OLA1: variants seen among roughly 807,000 people sequenced by gnomAD.
OLA1 encodes Obg like ATPase 1, also known as obg-like ATPase 1.
OLA1 carries 14 observed loss-of-function variants against 48.4 expected under a neutral mutation model. The ratio of observed to expected loss-of-function variants is 0.29; its 90% CI spans 0.19 to 0.45. OLA1 has a LOEUF of 0.45. Ranked by LOEUF, OLA1 falls within the 20% of genes least tolerant of loss-of-function variation. OLA1 has a pLI of 1.00. For synonymous variants in OLA1, 127 were observed against 150.4 expected, an observed-to-expected ratio of 0.84 and a Z score of 1.14; for missense variants, 325 against 467.1, an observed-to-expected ratio of 0.70 and a Z score of 2.80.
intron 2 of OLA1, among the ~76,000 whole-genome samples, chr2:174,244,582 TA>T (rs1689085322): frequency 6.6e-6 from 1 of 152,168 alleles, no homozygotes; most frequent in African/African-American, 2.4e-5. Flanking sequence ...AGTTGTTTAC[TA>T]TTTTTTTTAC....
chr2:174,166,892 T>C (rs565149947), intron 4 of OLA1, among the ~76,000 whole-genome samples: 34 of 152,282 alleles, frequency 2.2e-4, no homozygotes, highest in Non-Finnish European at 4.7e-4. Flanking sequence ...GGGCCTTCTT[T>C]ATGGGAAAAA....
chr2:174,149,468 G>T lies in OLA1; in HGVS notation c.374-7468C>A, dbSNP rs68030247. On this transcript the variant is annotated intron_variant, in intron 4 of 10. Transcript: ENST00000284719. ...CCTGAGTGGCTCCAATATACTCTGA[G>T]GCAGTATCAAATGAAATAAACCAAA... is the stretch of plus-strand genomic sequence containing the variant. Among the ~76,000 whole-genome samples, 97 of 152,074 alleles carry T rather than the reference G, an allele frequency of 6.4e-4. 1 individual carries two copies. Among genetic ancestry groups the T allele is most frequent in the Admixed American group, 6.3e-3 (96 of 15,268 alleles).
At chr2:174,121,724 T>C (rs1685918821) in intron 7 of OLA1, among the ~76,000 whole-genome samples, 1 of 152,218 alleles carries the variant, frequency 6.6e-6, no homozygotes, top group South Asian at 2.1e-4. Flanking sequence ...ATGGGGTGTC[T>C]GGCGACAGCT....
intron 4 of OLA1, among the ~76,000 whole-genome samples, chr2:174,157,788 G>A (rs924034259): frequency 6.6e-6 from 1 of 152,060 alleles, no homozygotes; most frequent in African/African-American, 2.4e-5. Context: ...GGAAGATGAT[G>A]GTCTGATTAA....
chr2:174,220,243 A>G (rs1688470481), intron 4 of OLA1, among the ~76,000 whole-genome samples: 1 of 151,706 alleles, frequency 6.6e-6, no homozygotes, highest in Non-Finnish European at 1.5e-5. Context: ...CATCGCTCCT[A>G]CTCCTCATCA....
intron 7 of OLA1, among the ~76,000 whole-genome samples, chr2:174,116,108 A>G (rs1286986682): frequency 6.6e-6 from 1 of 152,214 alleles, no homozygotes; most frequent in Non-Finnish European, 1.5e-5. Context: ...TTTTTTACCA[A>G]GTTTTGCTTT....
chr2:174,143,127 A>G (rs1686498244), intron 4 of OLA1, among the ~76,000 whole-genome samples: 1 of 152,202 alleles, frequency 6.6e-6, no homozygotes, highest in South Asian at 2.1e-4. Context: ...AAAATAATTA[A>G]GTTGTATCTA....
At chr2:174,095,866 T>C (rs1685242632) in intron 7 of OLA1, among the ~76,000 whole-genome samples, 1 of 151,998 alleles carries the variant, frequency 6.6e-6, no homozygotes, top group African/African-American at 2.4e-5. Flanking sequence ...AATAGGCAAA[T>C]AATTTGAATA....
chr2:174,143,622 G>A (rs1274783523), intron 4 of OLA1, among the ~76,000 whole-genome samples: 1 of 152,134 alleles, frequency 6.6e-6, no homozygotes, highest in East Asian at 1.9e-4. Flanking sequence ...GCATTAGCAG[G>A]TTTTAAATGG....
In OLA1 at chr2:174,157,410, G is replaced by A. The variant is rs112735073; in HGVS notation, c.374-15410C>T. 3.0e-3 allele frequency among the ~76,000 whole-genome samples: 452 copies of A among 152,230 alleles called. 2 individuals are homozygous for A. The highest frequency in any genetic ancestry group is 0.01 in the African/African-American group (423 of 41,534). ...GTTGATGGAAAAAGACAGCCTTCAA[G>A]GTTTCAAATTTGAGCACTGGTGTTA... is the stretch of plus-strand genomic sequence containing the variant. On this transcript the variant is annotated intron_variant, in intron 4 of 10. Transcript: ENST00000284719.
chr2:174,247,665 C>A (rs1336795083), intron 1 of OLA1: 1 of 1,550,892 alleles, frequency 6.4e-7, no homozygotes, highest in African/African-American at 1.4e-5. Context: ...TAGATGAACA[C>A]CCACCAGGTA....
At chr2:174,161,681 TACACACACACAC>T (rs55713860) in intron 4 of OLA1, among the ~76,000 whole-genome samples, 6 of 141,172 alleles carry the variant, frequency 4.3e-5, no homozygotes, top group African/African-American at 1.3e-4. Context: ...AAAAAAAAAA[TACACACACACAC>T]ACACACACAC....
Position 174,223,035 on chromosome 2 carries a change from G to A in OLA1, c.371C>T (p.Thr124Ile). 1 of 1,611,738 alleles carries A rather than the reference G, an allele frequency of 6.2e-7. No homozygotes were observed. Among genetic ancestry groups the A allele is most frequent in the South Asian group, 1.1e-5 (1 of 90,760 alleles). ...ATTAAATAAACAACTGTACTTACGT[G>A]TTAGATGAAAGATGCCATCACAGGC... is the stretch of plus-strand genomic sequence containing the variant. ...ISACDGIFHL[T>I]RAFEDDDITH... Residue 124 changes from threonine (T) to isoleucine (I), a missense_variant and splice_region_variant, in exon 4 of 11, where the codon ACA (threonine) becomes ATA (isoleucine). Thr to Ile is a moderately conservative substitution (Grantham distance 89). Coordinates refer to ENST00000284719, the MANE Select transcript of OLA1 (RefSeq NM_013341.5).
At chr2:174,108,704 T>C (rs1685568826) in intron 7 of OLA1, among the ~76,000 whole-genome samples, 1 of 152,184 alleles carries the variant, frequency 6.6e-6, no homozygotes, top group Admixed American at 6.5e-5. Flanking sequence ...GTGTACCACA[T>C]GCAATATTTA....
intron 1 of OLA1, chr2:174,247,759 C>T (rs1474458355): frequency 6.4e-7 from 1 of 1,550,808 alleles, no homozygotes; most frequent in Non-Finnish European, 8.7e-7. Context: ...CCAAAATCTA[C>T]ATTATGGTTA....
intron 7 of OLA1, among the ~76,000 whole-genome samples, chr2:174,106,846 C>A (rs967590702): frequency 1.3e-5 from 2 of 152,124 alleles, no homozygotes; most frequent in Non-Finnish European, 2.9e-5. Context: ...TGTTCTAATG[C>A]ATCTTATTGT....
At chr2:174,125,091 A>G (rs1686016669) in intron 5 of OLA1, among the ~76,000 whole-genome samples, 1 of 152,352 alleles carries the variant, frequency 6.6e-6, no homozygotes, top group East Asian at 1.9e-4. Flanking sequence ...TCAAAGTGCT[A>G]TATTACAAAT....
intron 5 of OLA1, among the ~76,000 whole-genome samples, chr2:174,129,848 AG>A (rs1214452938): frequency 1.3e-5 from 2 of 152,224 alleles, no homozygotes; most frequent in Non-Finnish European, 2.9e-5. Context: ...GTGGTTTATC[AG>A]GGTGACTCAC....
intron 5 of OLA1, among the ~76,000 whole-genome samples, chr2:174,124,984 C>G (rs1045492666): frequency 6.6e-6 from 1 of 152,100 alleles, no homozygotes; most frequent in African/African-American, 2.4e-5. Context: ...CTAACATGTT[C>G]GGCTTAAGAA....
Sources: allele counts gnomAD v4.1 joint callset (sites outside exome capture counted in the v4.1 genomes callset), GRCh38; gene constraint gnomAD v4.1.1; transcripts MANE v1.5; gene names NCBI Gene and HGNC (gene_info 2026-07-23, HGNC 2026-07-21).